Variants in MYLK observed in about 807,000 individuals in gnomAD.
The protein encoded by MYLK is myosin light chain kinase.
A neutral mutation model predicts 203.4 loss-of-function variants in MYLK; 106 were observed. The ratio of observed to expected loss-of-function variants is 0.52; its 90% CI spans 0.45 to 0.61. The LOEUF (loss-of-function observed/expected upper bound fraction) is 0.61. Ranked by LOEUF, MYLK falls within the 20% of genes least tolerant of loss-of-function variation. The pLI, the probability that MYLK is intolerant of heterozygous loss-of-function variation, is 0.00. For synonymous variants in MYLK, 867 were observed against 959.5 expected, an observed-to-expected ratio of 0.90 and a Z score of 1.78; for missense variants, 2,072 against 2,442.3, an observed-to-expected ratio of 0.85 and a Z score of 3.20.
At chr3:123,643,184 C>T (rs903726904) in intron 27 of MYLK, among the ~76,000 whole-genome samples, 11 of 152,332 alleles carry the variant, frequency 7.2e-5, no homozygotes, top group South Asian at 2.1e-4. Context: ...GCCTCGTCTC[C>T]GCACTTTGTG....
Position 123,869,604 on chromosome 3 carries a change from T to G in MYLK, c.-127+6955A>C, listed in dbSNP as rs543951364. 3.8e-4 allele frequency among the ~76,000 whole-genome samples: 58 copies of G among 152,234 alleles called. 1 individual carries two copies. Among genetic ancestry groups the G allele is most frequent in the Non-Finnish European group, 1.5e-5 (1 of 68,026 alleles). On this transcript the variant is annotated intron_variant, in intron 2 of 33. Coordinates refer to ENST00000360304, the MANE Select transcript of MYLK (RefSeq NM_053025.4). Reference sequence around the variant, plus strand: ...AGCACACCCTCTCCATATCCCAGTCTGCAAATGGATTCTCCCATGTTTTCA... The same window carrying G: ...AGCACACCCTCTCCATATCCCAGTCGGCAAATGGATTCTCCCATGTTTTCA...
rs1201059221 is a variant in MYLK at position 123,726,064 on chromosome 3, C to T, written c.1531G>A (p.Glu511Lys). The T allele has an allele frequency of 6.2e-7, 1 of 1,614,062 alleles. No homozygotes were observed. Among genetic ancestry groups the T allele is most frequent in the African/African-American group, 1.3e-5 (1 of 74,928 alleles). ...TLQVERLAVMEVAPSFSSVLK... is the reference protein window; with the variant it reads ...TLQVERLAVMKVAPSFSSVLK... ...ACACTGGAGAAGGAGGGGGCCACCT[C>T]CATCACGGCAAGCCCTGTGAGGGAA... is the stretch of plus-strand genomic sequence containing the variant. Residue 511 changes from glutamate to lysine, a missense_variant, in exon 12 of 34, where the codon GAG (glutamate) becomes AAG (lysine). This residue lies in a region of MYLK where 683 missense variants were observed against 643.8 expected (regional missense o/e 1.06). Transcript: ENST00000360304.
chr3:123,689,121 C>A, intron 19 of MYLK, among the ~76,000 whole-genome samples: 1 of 152,190 alleles, frequency 6.6e-6, no homozygotes, highest in Admixed American at 6.5e-5. Context: ...CACAATCATG[C>A]ATGACCCTCT....
At chr3:123,777,867 A>G (rs2064136321) in intron 4 of MYLK, among the ~76,000 whole-genome samples, 1 of 152,190 alleles carries the variant, frequency 6.6e-6, no homozygotes, top group Non-Finnish European at 1.5e-5. Context: ...CCCACTAGTT[A>G]GGCCTTTGAC....
intron 2 of MYLK, among the ~76,000 whole-genome samples, chr3:123,870,919 C>G (rs148847417): frequency 4.7e-4 from 72 of 152,324 alleles, no homozygotes; most frequent in Non-Finnish European, 7.3e-4. Flanking sequence ...AACAAAACTG[C>G]AGGAACTCCA....
chr3:123,798,487 G>A (rs1047773807), intron 3 of MYLK, among the ~76,000 whole-genome samples: 1 of 152,002 alleles, frequency 6.6e-6, no homozygotes, highest in Non-Finnish European at 1.5e-5. Flanking sequence ...AGATCCTCCT[G>A]GAAGGTAGGA....
intron 5 of MYLK, among the ~76,000 whole-genome samples, chr3:123,750,631 A>G (rs2063163986): frequency 6.6e-6 from 1 of 152,232 alleles, no homozygotes; most frequent in South Asian, 2.1e-4. Flanking sequence ...GTTTAGAGTC[A>G]CACATCTCAT....
At chr3:123,666,751 G>A (rs965646734) in intron 21 of MYLK, among the ~76,000 whole-genome samples, 1 of 152,210 alleles carries the variant, frequency 6.6e-6, no homozygotes, top group African/African-American at 2.4e-5. Context: ...AAACAGACAA[G>A]GGTTCCATAT....
chr3:123,826,598 T>G (rs367667339), intron 3 of MYLK, among the ~76,000 whole-genome samples: 40 of 152,294 alleles, frequency 2.6e-4, no homozygotes, highest in African/African-American at 8.7e-4. Flanking sequence ...CACACTAGGT[T>G]GGCCAAACAT....
At chr3:123,684,324 G>A (rs1321025228) in intron 19 of MYLK, among the ~76,000 whole-genome samples, 1 of 152,160 alleles carries the variant, frequency 6.6e-6, no homozygotes, top group African/African-American at 2.4e-5. Flanking sequence ...CTCAAGCACA[G>A]GGAGTGCGCA....
intron 13 of MYLK, among the ~76,000 whole-genome samples, chr3:123,718,171 G>T (rs1283692983): frequency 6.6e-6 from 1 of 152,120 alleles, no homozygotes; most frequent in African/African-American, 2.4e-5. Flanking sequence ...CCTGTTGAGG[G>T]ACTCTTGAAG....
Position 123,648,902 on chromosome 3 carries a change from T to A in MYLK, c.4415+69A>T. Reference sequence around the variant, plus strand: ...AGGGAGCAACAGGAAGCTGAGGCACTGAATCTAACTGTGAGACCCGCACCA... The same window carrying A: ...AGGGAGCAACAGGAAGCTGAGGCACAGAATCTAACTGTGAGACCCGCACCA... On this transcript the variant is annotated intron_variant, in intron 26 of 33. Transcript: ENST00000360304. This position sits in a 1 kb window ranked among gnomAD's most constrained non-coding sequence, Gnocchi z 4.5. 7.4e-7 allele frequency: 1 copy of A among 1,354,870 alleles called. No individual in the cohort carries two copies. The highest frequency in any genetic ancestry group is 1.7e-5 in the Admixed American group (1 of 59,598). 83.9% of individuals were successfully genotyped at this position (1,354,870 alleles called of 1,614,324 possible). A position where few individuals can be genotyped will look rare whatever the true frequency, so the allele number is the denominator to read the frequency against.
intron 4 of MYLK, among the ~76,000 whole-genome samples, chr3:123,754,972 G>C (rs1411508785): frequency 6.6e-6 from 1 of 152,158 alleles, no homozygotes; most frequent in Admixed American, 6.5e-5. Context: ...GGCCCTAAAG[G>C]CAGAAACGTT....
At chr3:123,668,055 T>A (rs746337303) in intron 20 of MYLK, among the ~76,000 whole-genome samples, 1 of 152,192 alleles carries the variant, frequency 6.6e-6, no homozygotes. Flanking sequence ...GAAAAATGAC[T>A]CAAACAGAAC....
chr3:123,659,191 G>A (rs1029311263), intron 23 of MYLK, among the ~76,000 whole-genome samples: 2 of 152,182 alleles, frequency 1.3e-5, no homozygotes, highest in East Asian at 3.8e-4. Flanking sequence ...AACCTGAAGA[G>A]GGATGGAAGA....
chr3:123,715,437 T>G (rs1449945758), intron 13 of MYLK, among the ~76,000 whole-genome samples: 1 of 152,216 alleles, frequency 6.6e-6, no homozygotes, highest in Non-Finnish European at 1.5e-5. Flanking sequence ...AAGCCAGCTT[T>G]TCTAGCCAAT....
chr3:123,801,674 T>C (rs1353680256), intron 3 of MYLK, among the ~76,000 whole-genome samples: 1 of 152,184 alleles, frequency 6.6e-6, no homozygotes, highest in Admixed American at 6.5e-5. Context: ...TGAGAACATG[T>C]GGTATTTGTT....
chr3:123,789,781 C>T (rs1263458766), intron 4 of MYLK, among the ~76,000 whole-genome samples: 2 of 151,994 alleles, frequency 1.3e-5, no homozygotes, highest in East Asian at 1.9e-4. Flanking sequence ...GACTTCCTCT[C>T]ATAAACCCTA....
intron 3 of MYLK, among the ~76,000 whole-genome samples, chr3:123,802,447 C>T (rs2065228424): frequency 6.6e-6 from 1 of 152,286 alleles, no homozygotes; most frequent in Admixed American, 6.5e-5. Flanking sequence ...GGCAGACAAG[C>T]TGCCCACATC....
Sources: gnomAD v4.1 joint callset for allele counts (sites outside exome capture counted in the v4.1 genomes callset) on GRCh38, gnomAD v4.1.1 for gene constraint, gnomAD v4.1.1 regional missense constraint, Gnocchi (gnomAD v3.1) non-coding constraint, MANE v1.5 for transcripts, NCBI Gene and HGNC (gene_info 2026-07-23, HGNC 2026-07-21) for gene names.